The following LOXHD1 variants were observed in gnomAD, a reference collection of about 807,000 sequenced individuals.
The protein encoded by LOXHD1 is lipoxygenase homology domain-containing protein 1.
In LOXHD1, 205 loss-of-function variants were observed where a neutral mutation model predicts 248.2. That is an observed-to-expected ratio of 0.83 (90% confidence interval 0.74 to 0.93). LOXHD1 has a LOEUF of 0.93. Ranked by LOEUF, LOXHD1 falls within the 40% of genes least tolerant of loss-of-function variation. The pLI is 0.00. For synonymous variants in LOXHD1, 1,113 were observed against 1,162.8 expected (o/e 0.96, Z 0.87); for missense variants, 2,930 against 2,971.6 (o/e 0.99, Z 0.33).
chr18:46,645,362 G>A (rs1486727518), intron 2 of LOXHD1, among the ~76,000 whole-genome samples: 1 of 152,226 alleles, frequency 6.6e-6, no homozygotes, highest in African/African-American at 2.4e-5. Flanking sequence ...ACCCCCACAC[G>A]GAGATCCTTT....
At chr18:46,516,706 A>G (rs2035267537) in intron 34 of LOXHD1, among the ~76,000 whole-genome samples, 1 of 151,788 alleles carries the variant, frequency 6.6e-6, no homozygotes, top group Non-Finnish European at 1.5e-5. Flanking sequence ...CTTCATCCCT[A>G]TCACTGCCCT....
At chr18:46,577,576 T>A (rs969743471) in intron 14 of LOXHD1, 131 bp downstream of exon 14, 1 of 1,055,448 alleles carries the variant, frequency 9.5e-7, no homozygotes, top group African/African-American at 1.6e-5. Flanking sequence ...CGAGGTCACC[T>A]CTTTCTTGCA....
intron 12 of LOXHD1, among the ~76,000 whole-genome samples, chr18:46,588,437 C>T (rs1449122631): frequency 6.6e-6 from 1 of 152,138 alleles, no homozygotes; most frequent in Non-Finnish European, 1.5e-5. Flanking sequence ...CAAAAAAACA[C>T]CAGCTAGGAT....
At chr18:46,607,445 CAT>C (rs2038434904) in intron 6 of LOXHD1, among the ~76,000 whole-genome samples, 1 of 149,224 alleles carries the variant, frequency 6.7e-6, no homozygotes, top group Non-Finnish European at 1.5e-5. Flanking sequence ...TATATACACA[CAT>C]ATATATGGGT....
At chr18:46,617,007 T>C (rs907555811) in intron 5 of LOXHD1, among the ~76,000 whole-genome samples, 1 of 152,230 alleles carries the variant, frequency 6.6e-6, no homozygotes, top group Non-Finnish European at 1.5e-5. Context: ...TTTGAGTGTT[T>C]TGTAGTTTTG....
chr18:46,485,242 C>T, intron 38 of LOXHD1, 91 bp from the exon 39 acceptor site: 3 of 1,454,202 alleles, frequency 2.1e-6, no homozygotes, highest in Non-Finnish European at 1.9e-6. Context: ...TCCGGTCCTT[C>T]ATTTGATCTT....
intron 20 of LOXHD1, chr18:46,557,893 A>G (rs150032311): frequency 2.8e-4 from 314 of 1,113,832 alleles, no homozygotes; most frequent in Admixed American, 3.1e-4. Flanking sequence ...ACATATTTGT[A>G]TTAAGTACCT....
chr18:46,517,858 A>G (rs539920463), intron 34 of LOXHD1, among the ~76,000 whole-genome samples: 1 of 152,354 alleles, frequency 6.6e-6, no homozygotes, highest in African/African-American at 2.4e-5. Flanking sequence ...CAACTAATCT[A>G]CCAACCTTAC....
chr18:46,555,733 T>C (rs1249291254), intron 21 of LOXHD1, among the ~76,000 whole-genome samples: 1 of 152,094 alleles, frequency 6.6e-6, no homozygotes, highest in East Asian at 1.9e-4. Context: ...TTGGGCCCCT[T>C]ACACCCAAGG....
chr18:46,552,153 C>T (rs1239048698), intron 21 of LOXHD1, among the ~76,000 whole-genome samples: 1 of 152,106 alleles, frequency 6.6e-6, no homozygotes, highest in Non-Finnish European at 1.5e-5. Context: ...ATACTTAACA[C>T]TATTGAACTG....
intron 7 of LOXHD1, among the ~76,000 whole-genome samples, chr18:46,602,536 G>A (rs2038355342): frequency 6.6e-6 from 1 of 151,950 alleles, no homozygotes; most frequent in Non-Finnish European, 1.5e-5. Flanking sequence ...TGGGGTCTAA[G>A]GCGGTTGTCA....
At chr18:46,499,155 G>C (rs1208063648) in intron 37 of LOXHD1, among the ~76,000 whole-genome samples, 2 of 152,196 alleles carry the variant, frequency 1.3e-5, no homozygotes, top group Non-Finnish European at 2.9e-5. Context: ...ATTATGACTG[G>C]CAAGACAATT....
chr18:46,614,531 G>A (rs2038557042), intron 5 of LOXHD1, among the ~76,000 whole-genome samples: 1 of 152,098 alleles, frequency 6.6e-6, no homozygotes, highest in Non-Finnish European at 1.5e-5. Context: ...AGAACACTTG[G>A]ACACAGGGTG....
chr18:46,506,010 A>G lies in LOXHD1; in HGVS notation c.5706T>C (p.Asp1902=). 6.4e-7 allele frequency: 1 copy of G among 1,552,214 alleles called. No homozygotes were observed. Among genetic ancestry groups the G allele is most frequent in the East Asian group, 2.4e-5 (1 of 40,926 alleles). ...KTSDILGAGT[D]ANVFIIIFGE... is the part of the protein sequence containing the mutation. Reference sequence around the variant, plus strand: ...CGAAGATGATGATGAACACGTTGGCATCAGTGCCTGCTCCTGGGGGGTGCA... The same window carrying G: ...CGAAGATGATGATGAACACGTTGGCGTCAGTGCCTGCTCCTGGGGGGTGCA... Residue 1902 remains aspartate, a synonymous_variant, in exon 37 of 41, where the codon GAT becomes GAC. Transcript: ENST00000642948.
intron 2 of LOXHD1, among the ~76,000 whole-genome samples, chr18:46,648,236 C>A (rs542079097): frequency 6.6e-6 from 1 of 151,996 alleles, no homozygotes; most frequent in African/African-American, 2.4e-5. Context: ...CCAGCCTGGG[C>A]GACAGAGCGA....
Position 46,601,437 on chromosome 18 carries a change from C to A in LOXHD1, c.914G>T (p.Gly305Val). Residue 305 changes from glycine to valine, a missense_variant, in exon 8 of 41, where the codon GGG becomes GTG. Coordinates refer to ENST00000642948, the MANE Select transcript of LOXHD1 (RefSeq NM_001384474.1). ...TTTGGTACCAGCCCCCCGGACATCC[C>A]CAGTGAAGACGGTGACAATATACGT... is the stretch of plus-strand genomic sequence containing the variant. ...AITYIVTVFTGDVRGAGTKSK... is the reference protein window; with the variant it reads ...AITYIVTVFTVDVRGAGTKSK... 3 of 1,551,688 alleles carry A rather than the reference C, an allele frequency of 1.9e-6. No homozygotes were observed. Among genetic ancestry groups the A allele is most frequent in the Non-Finnish European group, 2.6e-6 (3 of 1,147,010 alleles).
rs530420358 is a variant in LOXHD1, at chr18:46,489,103, T to C, written c.5918A>G (p.Lys1973Arg). 12 of 1,551,702 alleles carry C rather than the reference T, an allele frequency of 7.7e-6. No individual in the cohort carries two copies. In the East Asian group the frequency reaches 2.4e-4, roughly 32 times the overall value. Residue 1973 changes from lysine (K) to arginine (R), a missense_variant, in exon 38 of 41, where the codon AAG (lysine) becomes AGG (arginine). Lys to Arg is a conservative substitution (Grantham distance 26, BLOSUM62 2). Transcript: ENST00000642948. ...PGWHLSYVDV[K>R]DNSRDETFHF... ...GAAGGTCTCGTCGCGGGAGTTGTCC[T>C]TCACATCGACATAGCTCAGATGCCA...
At chr18:46,563,535 C>T (rs1568187981) in intron 17 of LOXHD1, among the ~76,000 whole-genome samples, 1 of 152,182 alleles carries the variant, frequency 6.6e-6, no homozygotes, top group Admixed American at 6.5e-5. Context: ...GCGATCCCTG[C>T]TGTGTGCCTG....
At chr18:46,641,379 T>G (rs1002810906) in intron 3 of LOXHD1, among the ~76,000 whole-genome samples, 2 of 152,178 alleles carry the variant, frequency 1.3e-5, no homozygotes, top group Admixed American at 6.5e-5. Context: ...AGGCTCTTCC[T>G]CTGCCATTGG....
Sources: allele counts gnomAD v4.1 joint callset (sites outside exome capture counted in the v4.1 genomes callset), GRCh38; gene constraint gnomAD v4.1.1; transcripts MANE v1.5; gene names NCBI Gene and HGNC (gene_info 2026-07-23, HGNC 2026-07-21).